SMC6: variants seen among roughly 807,000 people sequenced by gnomAD.
SMC6 encodes structural maintenance of chromosomes 6.
In SMC6, 79 loss-of-function variants were observed where a neutral mutation model predicts 142.2. That is an observed-to-expected ratio of 0.56 (90% CI 0.46 to 0.67). The LOEUF (loss-of-function observed/expected upper bound fraction) is 0.67. SMC6 is among the 30% of genes least tolerant of loss of function. SMC6 has a pLI of 0.00. For synonymous variants in SMC6, 411 were observed against 412.4 expected (o/e 1.00, Z 0.04); for missense variants, 1,072 against 1,284.0 (o/e 0.83, Z 2.52).
intron 3 of SMC6, among the ~76,000 whole-genome samples, chr2:17,743,866 C>G (rs1302916113): frequency 6.6e-6 from 1 of 152,160 alleles, no homozygotes; most frequent in African/African-American, 2.4e-5. Context: ...TGACTGGCTT[C>G]TGTCACTTAG....
chr2:17,749,379 AAAT>A (rs1289884924), intron 2 of SMC6, among the ~76,000 whole-genome samples: 2 of 152,182 alleles, frequency 1.3e-5, no homozygotes, highest in Non-Finnish European at 2.9e-5. Context: ...ATTATCAATA[AAAT>A]AATAAGTTCA....
At position 17,718,105 on chromosome 2, in the gene SMC6, G is replaced by A. The variant is rs375085487; in HGVS notation, c.1064C>T (p.Ala355Val). The stretch of plus-strand genomic sequence containing the variant: ...AGCTTCATTATAGGCCCTTTTCTTA[G>A]CAACAACATCTGCTTTCAATGCCAT... ...ECMALKADVV[A>V]KKRAYNEAEV... is the part of the protein sequence containing the mutation. The change falls in exon 12 of 28, where the codon GCT (alanine) becomes GTT (valine). Residue 355 changes from alanine (A) to valine (V), a missense_variant. Transcript: ENST00000448223. 8.1e-6 allele frequency: 13 copies of A among 1,609,306 alleles called. No individual in the cohort carries two copies. In the African/African-American group the frequency reaches 1.6e-4, roughly 20 times the overall value.
rs780054625 is a variant in SMC6 at position 17,700,395 on chromosome 2, A to G, written c.2224-17T>C. ...TTCATCTTCCTGATAAAATTTAAAC[A>G]GCATATAAGGTTAATTAAAATACTT... is the stretch of plus-strand genomic sequence containing the variant. On this transcript the variant is annotated splice_polypyrimidine_tract_variant and intron_variant, in intron 20 of 27. Coordinates refer to ENST00000448223, the MANE Select transcript of SMC6 (RefSeq NM_001142286.2). 2.0e-5 allele frequency: 32 copies of G among 1,576,062 alleles called. No homozygotes were observed. The South Asian group carries it at 3.6e-4, about 18-fold the overall frequency.
At chr2:17,699,268 T>A (rs1668155706) in intron 21 of SMC6, among the ~76,000 whole-genome samples, 1 of 152,112 alleles carries the variant, frequency 6.6e-6, no homozygotes, top group Non-Finnish European at 1.5e-5. Flanking sequence ...CATTTCGCAC[T>A]TGAAAAATGT....
At chr2:17,732,311 A>G (rs1240037210) in intron 5 of SMC6, among the ~76,000 whole-genome samples, 2 of 152,256 alleles carry the variant, frequency 1.3e-5, no homozygotes, top group South Asian at 4.1e-4. Flanking sequence ...ATTATGGTAA[A>G]GTAGTTAACA....
At chr2:17,733,847 A>G (rs1272009116) in intron 5 of SMC6, among the ~76,000 whole-genome samples, 2 of 152,264 alleles carry the variant, frequency 1.3e-5, no homozygotes, top group South Asian at 2.1e-4. Flanking sequence ...ACATAAGATC[A>G]CTTCCTTATA....
intron 21 of SMC6, among the ~76,000 whole-genome samples, chr2:17,699,817 T>C (rs569154741): frequency 2.6e-5 from 4 of 152,316 alleles, no homozygotes; most frequent in Admixed American, 6.5e-5. Flanking sequence ...AGATGAGTAG[T>C]ACTTTATTTC....
intron 25 of SMC6, among the ~76,000 whole-genome samples, chr2:17,673,091 TTCA>T (rs1021113789): frequency 2.0e-4 from 31 of 152,308 alleles, no homozygotes; most frequent in African/African-American, 6.3e-4. Flanking sequence ...CTTGTTCATT[TTCA>T]TCATCATCAT....
At chr2:17,739,608 G>A (rs1398877897) in intron 4 of SMC6, among the ~76,000 whole-genome samples, 4 of 151,954 alleles carry the variant, frequency 2.6e-5, no homozygotes, top group African/African-American at 9.7e-5. Context: ...TAGCACCACT[G>A]CACTCCAGCC....
intron 9 of SMC6, among the ~76,000 whole-genome samples, chr2:17,723,301 C>T (rs1455369651): frequency 6.6e-6 from 1 of 152,192 alleles, no homozygotes; most frequent in Admixed American, 6.5e-5. Context: ...TATAGCAGTT[C>T]ATTCTCTTGT....
chr2:17,678,808 G>GA, intron 25 of SMC6, 51 bp downstream of exon 25: 1 of 1,335,710 alleles, frequency 7.5e-7, no homozygotes, highest in African/African-American at 1.5e-5. Context: ...GAAAAGAAAA[G>GA]AAACAACTAG....
At chr2:17,685,057 T>A (rs1667388039) in intron 23 of SMC6, among the ~76,000 whole-genome samples, 1 of 146,388 alleles carries the variant, frequency 6.8e-6, no homozygotes, top group African/African-American at 2.6e-5. Flanking sequence ...AGAAGATGCA[T>A]AGGAGAAAAG....
Position 17,665,442 on chromosome 2 carries a change from A to ATT in SMC6, c.*55_*56dup. On this transcript the variant is annotated 3_prime_UTR_variant, in exon 28 of 28. Transcript: ENST00000448223. ...ATTTTATTATATCAAAGAGTCCAGA[A>ATT]TTTTTTTTCCCTTCACAAATCCTTC... The ATT allele has an allele frequency of 8.2e-7, 1 of 1,222,884 alleles. No individual in the cohort carries two copies. The highest frequency in any genetic ancestry group is 1.6e-5 in the South Asian group (1 of 64,262). The allele number at this position is 1,222,884 out of a possible 1,614,324, so 75.8% of individuals were successfully genotyped here.
intron 12 of SMC6, 140 bp from the exon 13 acceptor site, chr2:17,717,316 C>A: frequency 3.6e-6 from 2 of 548,672 alleles, no homozygotes; most frequent in Admixed American, 3.7e-5. Context: ...CATTTGAAAC[C>A]ATTACATTTT....
At chr2:17,725,870 T>C (rs754839559) in intron 8 of SMC6, among the ~76,000 whole-genome samples, 9 of 151,990 alleles carry the variant, frequency 5.9e-5, no homozygotes, top group Non-Finnish European at 1.3e-4. Flanking sequence ...GGTGGATCAC[T>C]TGAGGCCAGG....
chr2:17,720,030 G>C (rs573792555), intron 11 of SMC6, among the ~76,000 whole-genome samples: 4 of 152,228 alleles, frequency 2.6e-5, no homozygotes, highest in South Asian at 4.2e-4. Flanking sequence ...GTACATTTGC[G>C]GGGGAAGGGG....
intron 14 of SMC6, 63 bp from the exon 15 acceptor site, chr2:17,716,327 T>C: frequency 1.3e-6 from 2 of 1,520,640 alleles, no homozygotes; most frequent in Non-Finnish European, 1.8e-6. Flanking sequence ...CATTTAACCT[T>C]TGCCCATAAC....
intron 4 of SMC6, among the ~76,000 whole-genome samples, 164 bp downstream of exon 4, chr2:17,741,448 T>G (rs990771404): frequency 6.6e-6 from 1 of 152,240 alleles, no homozygotes; most frequent in Admixed American, 6.5e-5. Flanking sequence ...AGTATTTTCT[T>G]TAAGTGTACA....
At chr2:17,746,693 C>T (rs1486195491) in intron 2 of SMC6, among the ~76,000 whole-genome samples, 2 of 152,104 alleles carry the variant, frequency 1.3e-5, no homozygotes, top group African/African-American at 2.4e-5. Context: ...TTTTGCTAAA[C>T]ATATGAATAC....
Sources: allele counts gnomAD v4.1 joint callset (sites outside exome capture counted in the v4.1 genomes callset), GRCh38; gene constraint gnomAD v4.1.1; transcripts MANE v1.5; gene names NCBI Gene and HGNC (gene_info 2026-07-23, HGNC 2026-07-21).